Variants in HDAC4 observed in about 807,000 individuals in gnomAD.
The protein encoded by HDAC4 is histone deacetylase A.
In HDAC4, 16 loss-of-function variants were observed where a neutral mutation model predicts 135.1. The observed-to-expected ratio is 0.12, with a 90% confidence interval of 0.08 to 0.18. The LOEUF (loss-of-function observed/expected upper bound fraction) is 0.18. Among genes scored for constraint, HDAC4 ranks in the 10% least tolerant of loss-of-function variants. The pLI, the probability that HDAC4 is intolerant of heterozygous loss-of-function variation, is 1.00. For synonymous variants in HDAC4, 685 were observed against 653.4 expected (o/e 1.05, Z -0.74); for missense variants, 1,143 against 1,511.8 (o/e 0.76, Z 4.05).
At position 239,052,433 on chromosome 2, in the gene HDAC4, C is replaced by G. The variant is rs1285684636; in HGVS notation, c.*664G>C. ...AGCAATAAAAAAAAAGGCACAAACTCGCATCTTCCGATGGCTTTTGAGAAA... is the reference window on the plus strand; with the variant it reads ...AGCAATAAAAAAAAAGGCACAAACTGGCATCTTCCGATGGCTTTTGAGAAA... On this transcript the variant is annotated 3_prime_UTR_variant, in exon 27 of 27. Coordinates refer to ENST00000543185, the MANE Select transcript of HDAC4 (RefSeq NM_001378414.1). The G allele has an allele frequency of 6.6e-6, 1 of 152,516 alleles. No homozygotes were observed. Among genetic ancestry groups the G allele is most frequent in the Non-Finnish European group, 1.5e-5 (1 of 68,104 alleles). The allele number at this position is 152,516 out of a possible 1,614,324, so 9.4% of individuals were successfully genotyped here. A position where few individuals can be genotyped will look rare whatever the true frequency, so the allele number is the denominator to read the frequency against.
chr2:239,221,650 A>G (rs947707798), intron 3 of HDAC4, among the ~76,000 whole-genome samples: 2 of 146,342 alleles, frequency 1.4e-5, no homozygotes, highest in African/African-American at 5.2e-5. Flanking sequence ...ACACACACAC[A>G]CAGCCTTCAA....
chr2:239,118,360 C>T (rs1280110559), intron 12 of HDAC4, among the ~76,000 whole-genome samples: 1 of 152,226 alleles, frequency 6.6e-6, no homozygotes, highest in African/African-American at 2.4e-5. Flanking sequence ...CCAGGTCCAG[C>T]CGGGTGCAGG....
intron 5 of HDAC4, among the ~76,000 whole-genome samples, chr2:239,171,450 G>A (rs2043447677): frequency 6.6e-6 from 1 of 152,190 alleles, no homozygotes; most frequent in South Asian, 2.1e-4. Flanking sequence ...TACCCACACT[G>A]AGGCAAAAGA....
intron 1 of HDAC4, among the ~76,000 whole-genome samples, chr2:239,397,674 G>C (rs564359751): frequency 6.6e-6 from 1 of 152,142 alleles, no homozygotes; most frequent in East Asian, 1.9e-4. Flanking sequence ...CCCAAAACAG[G>C]TCCCACTCTT....
intron 1 of HDAC4, among the ~76,000 whole-genome samples, chr2:239,383,336 A>C (rs935061384): frequency 6.6e-6 from 1 of 152,156 alleles, no homozygotes; most frequent in Non-Finnish European, 1.5e-5. Flanking sequence ...CCTCGCTTGG[A>C]GGCTGGACAA....
chr2:239,180,439 G>T (rs1427809782), intron 4 of HDAC4, among the ~76,000 whole-genome samples: 1 of 152,018 alleles, frequency 6.6e-6, no homozygotes, highest in South Asian at 2.1e-4. Flanking sequence ...GGGAAGAAAG[G>T]ATTTCAGCTT....
chr2:239,136,696 C>T (rs1290992241), intron 9 of HDAC4, among the ~76,000 whole-genome samples: 1 of 152,202 alleles, frequency 6.6e-6, no homozygotes, highest in Admixed American at 6.5e-5. Flanking sequence ...ACCAGCAAAA[C>T]CTGAAGCAGC....
intron 1 of HDAC4, among the ~76,000 whole-genome samples, chr2:239,375,709 C>G (rs1276400938): frequency 6.6e-6 from 1 of 152,196 alleles, no homozygotes. Context: ...GGTGGAAGAT[C>G]GCATGGGGAC....
chr2:239,329,959 AAGG>A (rs1162487307), intron 2 of HDAC4, among the ~76,000 whole-genome samples: 2 of 152,082 alleles, frequency 1.3e-5, no homozygotes, highest in Non-Finnish European at 2.9e-5. Flanking sequence ...ATGGGGGAGC[AAGG>A]AGGAGGGGTG....
intron 15 of HDAC4, among the ~76,000 whole-genome samples, chr2:239,103,136 A>G (rs1265451769): frequency 6.6e-6 from 1 of 152,248 alleles, no homozygotes. Flanking sequence ...ACACTTTAAA[A>G]GATAATTCCA....
chr2:239,230,498 G>A (rs2047489295), intron 3 of HDAC4, among the ~76,000 whole-genome samples: 1 of 151,074 alleles, frequency 6.6e-6, no homozygotes, highest in African/African-American at 2.4e-5. Flanking sequence ...ATTCCTCAAA[G>A]ACACTTCCCT....
At chr2:239,301,540 C>T (rs1357452273) in intron 2 of HDAC4, among the ~76,000 whole-genome samples, 3 of 151,162 alleles carry the variant, frequency 2.0e-5, no homozygotes, top group African/African-American at 4.9e-5. Context: ...TGGAGTGCAG[C>T]GGTATGACAT....
chr2:239,312,251 C>T lies in HDAC4; in HGVS notation c.22+40427G>A, dbSNP rs960599889. ...ACGCTACAGAGGAAATGCAGCCCCT[C>T]CCAACTAAGAGAACCCTGGTACCAT... On this transcript the variant is annotated intron_variant, in intron 2 of 26. Transcript: ENST00000543185. 5.3e-5 allele frequency among the ~76,000 whole-genome samples: 8 copies of T among 152,284 alleles called. 1 individual carries two copies. In the South Asian group the frequency reaches 1.7e-3, roughly 32 times the overall value.
Position 239,068,788 on chromosome 2 carries a change from A to G in HDAC4, c.2751-181T>C, listed in dbSNP as rs767630361. 1.5e-6 allele frequency: 1 copy of G among 675,052 alleles called. No individual in the cohort carries two copies. Among genetic ancestry groups the G allele is most frequent in the Admixed American group, 2.0e-5 (1 of 49,006 alleles). 41.8% of individuals were successfully genotyped at this position (675,052 alleles called of 1,614,324 possible). ...GACCACGCTTAATTAGAAGGGAATC[A>G]ACCCACGTGTGATCCAGGCTCATTT... On this transcript the variant is annotated intron_variant, in intron 22 of 26. Transcript: ENST00000543185. This position sits in a 1 kb window ranked among gnomAD's most constrained non-coding sequence, Gnocchi z 4.4.
In HDAC4 at chr2:239,052,814, G is replaced by C. The variant is rs1401510629; in HGVS notation, c.*283C>G. ...CCTTTCTTCCACGGCGTCCCTTGCG[G>C]GACCCGCCAGAGTGTGCTTGGCTTC... On this transcript the variant is annotated 3_prime_UTR_variant, in exon 27 of 27. Transcript: ENST00000543185. The C allele has an allele frequency of 2.1e-6, 1 of 478,724 alleles. No individual in the cohort carries two copies. Among genetic ancestry groups the C allele is most frequent in the Non-Finnish European group, 3.8e-6 (1 of 265,814 alleles). The allele number at this position is 478,724 out of a possible 1,614,324, so 29.7% of individuals were successfully genotyped here.
At chr2:239,108,482 A>G (rs1475064504) in intron 14 of HDAC4, among the ~76,000 whole-genome samples, 1 of 152,134 alleles carries the variant, frequency 6.6e-6, no homozygotes, top group East Asian at 1.9e-4. Flanking sequence ...CAGGCTGAGG[A>G]GAAAACAGTG....
At chr2:239,357,759 C>CATGCCTGTA in intron 1 of HDAC4, among the ~76,000 whole-genome samples, 1 of 151,300 alleles carries the variant, frequency 6.6e-6, no homozygotes, top group East Asian at 1.9e-4. Context: ...CATGGTGGTG[C>CATGCCTGTA]ATGCCTGTAG....
intron 24 of HDAC4, among the ~76,000 whole-genome samples, chr2:239,066,519 CT>C (rs1189178190): frequency 6.6e-6 from 1 of 152,246 alleles, no homozygotes; most frequent in Non-Finnish European, 1.5e-5. Context: ...GTCCTGCCCC[CT>C]GCACCTCTTC....
At chr2:239,104,951 C>T (rs767936372) in intron 15 of HDAC4, among the ~76,000 whole-genome samples, 13 of 152,252 alleles carry the variant, frequency 8.5e-5, no homozygotes, top group Non-Finnish European at 1.5e-4. Context: ...TGCGACACCG[C>T]GACGGCTGGG....
Sources: allele counts gnomAD v4.1 joint callset (sites outside exome capture counted in the v4.1 genomes callset), GRCh38; gene constraint gnomAD v4.1.1; non-coding constraint Gnocchi (gnomAD v3.1); transcripts MANE v1.5; gene names NCBI Gene and HGNC (gene_info 2026-07-23, HGNC 2026-07-21).